Variants in TRPC4 observed in about 807,000 individuals in gnomAD.
TRPC4 encodes the protein transient receptor potential cation channel subfamily C member 4.
A neutral mutation model predicts 99.4 loss-of-function variants in TRPC4; 49 were observed. That is an observed-to-expected ratio of 0.49 (90% confidence interval 0.39 to 0.63). The LOEUF (loss-of-function observed/expected upper bound fraction) is 0.63. Among genes scored for constraint, TRPC4 ranks in the 20% least tolerant of loss-of-function variants. TRPC4 has a pLI of 0.00. For synonymous variants in TRPC4, 454 were observed against 425.9 expected (o/e 1.07, Z -0.81); for missense variants, 898 against 1,152.9 (o/e 0.78, Z 3.20).
At chr13:37,725,618 A>C (rs1038941310) in intron 3 of TRPC4, among the ~76,000 whole-genome samples, 1 of 152,154 alleles carries the variant, frequency 6.6e-6, no homozygotes, top group African/African-American at 2.4e-5. Context: ...AAAGAAACAA[A>C]AAAGAAATTC....
At chr13:37,807,473 G>A (rs1957554158) in intron 1 of TRPC4, among the ~76,000 whole-genome samples, 1 of 151,930 alleles carries the variant, frequency 6.6e-6, no homozygotes, top group Admixed American at 6.6e-5. Context: ...AAAATCAAGA[G>A]CCCCAGCATA....
Position 37,692,338 on chromosome 13 carries a change from A to C in TRPC4, c.898-3T>G. The C allele has an allele frequency of 6.2e-7, 1 of 1,608,142 alleles. No individual in the cohort carries two copies. The highest frequency in any genetic ancestry group is 1.1e-5 in the South Asian group (1 of 90,666). On this transcript the variant is annotated splice_polypyrimidine_tract_variant and splice_region_variant and intron_variant, in intron 3 of 10. Transcript: ENST00000379705. Reference sequence around the variant, plus strand: ...TGACAATTGGGCTGGGCAACAAACTAAACAGAAGGGAAAGGAAAAGGAAAA... The same window carrying C: ...TGACAATTGGGCTGGGCAACAAACTCAACAGAAGGGAAAGGAAAAGGAAAA...
chr13:37,787,817 AT>A (rs1322283877), intron 1 of TRPC4, among the ~76,000 whole-genome samples: 2 of 152,108 alleles, frequency 1.3e-5, no homozygotes, highest in African/African-American at 4.8e-5. Context: ...GGAAATCAAG[AT>A]TATACTTATT....
chr13:37,805,570 T>A (rs1364510800), intron 1 of TRPC4, among the ~76,000 whole-genome samples: 2 of 152,094 alleles, frequency 1.3e-5, no homozygotes, highest in African/African-American at 4.8e-5. Context: ...GGACAGGGAC[T>A]CTTCTCTTGA....
At chr13:37,851,775 C>T (rs1256227955) in intron 1 of TRPC4, among the ~76,000 whole-genome samples, 4 of 152,176 alleles carry the variant, frequency 2.6e-5, no homozygotes, top group Admixed American at 2.6e-4. Context: ...GATACCACCC[C>T]TCCCCTATCC....
At chr13:37,688,705 A>T in intron 4 of TRPC4, among the ~76,000 whole-genome samples, 1 of 152,190 alleles carries the variant, frequency 6.6e-6, no homozygotes, top group East Asian at 1.9e-4. Context: ...AAAAAGTATT[A>T]CTTTATACAA....
intron 1 of TRPC4, among the ~76,000 whole-genome samples, chr13:37,844,047 C>T (rs1279889350): frequency 6.6e-6 from 1 of 152,150 alleles, no homozygotes; most frequent in Non-Finnish European, 1.5e-5. Context: ...ATTAAGTTTC[C>T]CTACAATTTT....
At chr13:37,755,572 A>T (rs1475446224) in intron 2 of TRPC4, among the ~76,000 whole-genome samples, 2 of 151,430 alleles carry the variant, frequency 1.3e-5, no homozygotes, top group African/African-American at 2.4e-5. Context: ...CCACGCCTAG[A>T]TCATATTTTT....
intron 2 of TRPC4, among the ~76,000 whole-genome samples, chr13:37,776,652 G>A (rs528150737): frequency 1.3e-5 from 2 of 151,850 alleles, no homozygotes; most frequent in Admixed American, 1.3e-4. Flanking sequence ...TTAGAGGGTG[G>A]CTCTATGAGT....
At chr13:37,823,804 T>C (rs1289596169) in intron 1 of TRPC4, among the ~76,000 whole-genome samples, 1 of 149,726 alleles carries the variant, frequency 6.7e-6, no homozygotes, top group African/African-American at 2.5e-5. Flanking sequence ...TCCAATTCTG[T>C]GAAGAAAGTC....
chr13:37,799,806 A>G (rs1203436485), intron 1 of TRPC4, among the ~76,000 whole-genome samples: 1 of 152,232 alleles, frequency 6.6e-6, no homozygotes, highest in African/African-American at 2.4e-5. Context: ...CTATGTAAGG[A>G]TACAATACTA....
At chr13:37,641,743 T>C (rs1593414187) in intron 8 of TRPC4, among the ~76,000 whole-genome samples, 1 of 152,280 alleles carries the variant, frequency 6.6e-6, no homozygotes, top group Middle Eastern at 3.4e-3. Context: ...TGACTGTGCC[T>C]AGTCAGGGAG....
chr13:37,741,806 G>A (rs1326412880), intron 3 of TRPC4, among the ~76,000 whole-genome samples: 1 of 152,024 alleles, frequency 6.6e-6, no homozygotes, highest in Non-Finnish European at 1.5e-5. Flanking sequence ...ATGTCTGGGT[G>A]GAGGCAATAT....
intron 5 of TRPC4, among the ~76,000 whole-genome samples, chr13:37,669,775 T>C (rs1358519122): frequency 3.9e-5 from 6 of 152,134 alleles, no homozygotes; most frequent in African/African-American, 1.4e-4. Context: ...AGGTAGGAAG[T>C]GATATAAGTC....
At chr13:37,864,771 A>G (rs187211193) in intron 1 of TRPC4, among the ~76,000 whole-genome samples, 2,014 of 151,760 alleles carry the variant, frequency 0.013, 23 homozygotes, top group South Asian at 0.045. Context: ...TTTCAAGGAT[A>G]CGGTCATATT....
chr13:37,743,748 A>T (rs1456897497), intron 3 of TRPC4, among the ~76,000 whole-genome samples: 5 of 152,212 alleles, frequency 3.3e-5, no homozygotes, highest in Non-Finnish European at 5.9e-5. Flanking sequence ...AAGAAATTCA[A>T]ATTACAATTT....
chr13:37,662,021 GC>G (rs1952458804), intron 6 of TRPC4, among the ~76,000 whole-genome samples: 1 of 152,068 alleles, frequency 6.6e-6, no homozygotes, highest in Non-Finnish European at 1.5e-5. Flanking sequence ...TCAAGAAGGA[GC>G]TGGAAGGCCG....
intron 1 of TRPC4, among the ~76,000 whole-genome samples, chr13:37,814,243 A>G (rs1957781056): frequency 6.6e-6 from 1 of 151,684 alleles, no homozygotes; most frequent in Non-Finnish European, 1.5e-5. Context: ...AATACTGAGC[A>G]TTTCATCCCT....
intron 1 of TRPC4, among the ~76,000 whole-genome samples, chr13:37,833,316 T>C (rs1318690956): frequency 6.6e-6 from 1 of 152,104 alleles, no homozygotes; most frequent in Non-Finnish European, 1.5e-5. Context: ...AGCTCAGTTA[T>C]AGAAAAAAAA....
Sources: allele counts gnomAD v4.1 joint callset (sites outside exome capture counted in the v4.1 genomes callset), GRCh38; gene constraint gnomAD v4.1.1; transcripts MANE v1.5; gene names NCBI Gene and HGNC (gene_info 2026-07-23, HGNC 2026-07-21).